YES1: variants seen among roughly 807,000 people sequenced by gnomAD.
YES1 encodes YES proto-oncogene 1, Src family tyrosine kinase, also known as tyrosine-protein kinase Yes.
In YES1, 39 loss-of-function variants were observed where a neutral mutation model predicts 70.4. The ratio of observed to expected loss-of-function variants is 0.55; its 90% CI spans 0.43 to 0.72. The LOEUF (loss-of-function observed/expected upper bound fraction) is 0.72. YES1 is among the 30% of genes least tolerant of loss of function. The probability of loss-of-function intolerance (pLI) is 0.00; values close to 1 mark genes in which losing one functional copy is unlikely to be tolerated. For synonymous variants in YES1, 198 were observed against 218.6 expected (o/e 0.91, Z 0.83); for missense variants, 495 against 644.8 (o/e 0.77, Z 2.52).
At chr18:731,594 A>G (rs2080087830) in intron 11 of YES1, among the ~76,000 whole-genome samples, 1 of 152,232 alleles carries the variant, frequency 6.6e-6, no homozygotes, top group African/African-American at 2.4e-5. Flanking sequence ...AGAGTTTAGA[A>G]GTAACAAACT....
At chr18:731,561 C>A (rs1402743316) in intron 11 of YES1, among the ~76,000 whole-genome samples, 1 of 152,178 alleles carries the variant, frequency 6.6e-6, no homozygotes, top group Non-Finnish European at 1.5e-5. Context: ...CTTTCACTCT[C>A]AACATTAGGA....
intron 1 of YES1, among the ~76,000 whole-genome samples, chr18:760,610 G>A (rs1453290461): frequency 1.3e-5 from 2 of 152,164 alleles, no homozygotes; most frequent in Admixed American, 6.5e-5. Context: ...TCCACAGGAG[G>A]TTCTAGAAGG....
In YES1 at chr18:722,692, C is replaced by T. The variant is rs1342588912; in HGVS notation, c.*1732G>A. ...TCACTTTTGCACTTTAGGGTAAAAACTGTCCCCTTTTCACCACCGTTAATA... is the reference window on the plus strand; with the variant it reads ...TCACTTTTGCACTTTAGGGTAAAAATTGTCCCCTTTTCACCACCGTTAATA... On this transcript the variant is annotated 3_prime_UTR_variant, in exon 12 of 12. Coordinates refer to ENST00000314574, the MANE Select transcript of YES1 (RefSeq NM_005433.4). 1 of 152,156 alleles carries T rather than the reference C, an allele frequency of 6.6e-6. No individual in the cohort carries two copies. The highest frequency in any genetic ancestry group is 2.4e-5 in the African/African-American group (1 of 41,444). The allele number at this position is 152,156 out of a possible 1,614,324, so 9.4% of individuals were successfully genotyped here.
At chr18:809,384 C>T (rs1213305372) in intron 1 of YES1, among the ~76,000 whole-genome samples, 1 of 152,092 alleles carries the variant, frequency 6.6e-6, no homozygotes, top group Non-Finnish European at 1.5e-5. Flanking sequence ...ACCGCAATCT[C>T]TGTCTCCCGG....
intron 6 of YES1, among the ~76,000 whole-genome samples, chr18:744,581 G>A (rs2080255999): frequency 6.6e-6 from 1 of 150,744 alleles, no homozygotes; most frequent in African/African-American, 2.4e-5. Flanking sequence ...TAATAGATAG[G>A]GTTTTGCCAT....
chr18:749,027 G>A (rs913535808), intron 3 of YES1, among the ~76,000 whole-genome samples: 7 of 152,112 alleles, frequency 4.6e-5, no homozygotes, highest in East Asian at 1.9e-4. Flanking sequence ...TAGATGCAGC[G>A]GCATGCACCT....
At chr18:731,382 A>C (rs1233678512) in intron 11 of YES1, among the ~76,000 whole-genome samples, 1 of 152,154 alleles carries the variant, frequency 6.6e-6, no homozygotes, top group Non-Finnish European at 1.5e-5. Flanking sequence ...AAATGAGAAT[A>C]ACTTGAATGG....
chr18:787,389 C>T lies in YES1; in HGVS notation c.-9+24725G>A, dbSNP rs143925103. Among the ~76,000 whole-genome samples, 124 of 151,592 alleles carry T rather than the reference C, an allele frequency of 8.2e-4. 1 individual carries two copies. The East Asian group carries it at 0.022, about 27-fold the overall frequency. On this transcript the variant is annotated intron_variant, in intron 1 of 11. Transcript: ENST00000314574. Reference sequence around the variant, plus strand: ...GCTGGGGTACAGGCATGAGCCACCGCGCCCAGCTGATACATACTGTATTTA... The same window carrying T: ...GCTGGGGTACAGGCATGAGCCACCGTGCCCAGCTGATACATACTGTATTTA...
intron 1 of YES1, among the ~76,000 whole-genome samples, chr18:803,882 A>G (rs1056323808): frequency 6.6e-6 from 1 of 152,226 alleles, no homozygotes; most frequent in Non-Finnish European, 1.5e-5. Context: ...TATTTTACCT[A>G]TTTGTGAGGC....
intron 1 of YES1, among the ~76,000 whole-genome samples, chr18:770,897 A>T (rs1905121282): frequency 6.6e-6 from 1 of 151,724 alleles, no homozygotes; most frequent in Non-Finnish European, 1.5e-5. Context: ...TTTAATCCCA[A>T]CACTTTGGAA....
intron 3 of YES1, among the ~76,000 whole-genome samples, chr18:751,216 C>T (rs1598905379): frequency 6.6e-6 from 1 of 152,092 alleles, no homozygotes; most frequent in South Asian, 2.1e-4. Context: ...CTTTCTACAA[C>T]GAGCATCAAA....
chr18:736,938 A>G lies in YES1; in HGVS notation c.1161T>C (p.Ile387=), dbSNP rs1470878252. 2 of 1,609,884 alleles carry G rather than the reference A, an allele frequency of 1.2e-6. No homozygotes were observed. The highest frequency in any genetic ancestry group is 2.7e-5 in the African/African-American group (2 of 74,918). Reference sequence around the variant, plus strand: ...CTCGGTGAATATAGTTCATTCTTTCAATATATGCCATACCATCAGCAATCT... The same window carrying G: ...CTCGGTGAATATAGTTCATTCTTTCGATATATGCCATACCATCAGCAATCT... The part of the protein sequence containing the change: ...AAQIADGMAY[I]ERMNYIHRDL... The change falls in exon 10 of 12, where the codon ATT becomes ATC. Residue 387 remains isoleucine, a synonymous_variant. Coordinates refer to ENST00000314574, the MANE Select transcript of YES1 (RefSeq NM_005433.4).
intron 1 of YES1, among the ~76,000 whole-genome samples, chr18:769,208 CAAT>C (rs1297331191): frequency 6.6e-6 from 1 of 152,170 alleles, no homozygotes; most frequent in Non-Finnish European, 1.5e-5. Context: ...CCTGATGACA[CAAT>C]GTCAGAACAT....
chr18:756,383 C>T (rs1039715265), intron 2 of YES1, among the ~76,000 whole-genome samples, 174 bp downstream of exon 2: 6 of 152,106 alleles, frequency 3.9e-5, no homozygotes, highest in Non-Finnish European at 5.9e-5. Context: ...TTTTCCAGAA[C>T]CATACCCATG....
intron 1 of YES1, among the ~76,000 whole-genome samples, chr18:796,411 T>C (rs1204373616): frequency 6.6e-6 from 1 of 152,216 alleles, no homozygotes; most frequent in African/African-American, 2.4e-5. Flanking sequence ...CAATTATCAA[T>C]ACACATTAGT....
At chr18:807,636 T>C (rs768271742) in intron 1 of YES1, among the ~76,000 whole-genome samples, 1 of 152,238 alleles carries the variant, frequency 6.6e-6, no homozygotes, top group African/African-American at 2.4e-5. Flanking sequence ...CATATATAGC[T>C]GATAACGTAT....
At position 806,027 on chromosome 18, in the gene YES1, C is replaced by A. The variant is rs1193629281; in HGVS notation, c.-9+6087G>T. Among the ~76,000 whole-genome samples, 4 of 152,166 alleles carry A rather than the reference C, an allele frequency of 2.6e-5. No homozygotes were observed. In the East Asian group the frequency reaches 7.7e-4, roughly 29 times the overall value. ...CTCCTAGCACTTCCTGTTCCGTCCT[C>A]ACCCCCAATAACCCAGCAAAAGTAC... On this transcript the variant is annotated intron_variant, in intron 1 of 11. Coordinates refer to ENST00000314574, the MANE Select transcript of YES1 (RefSeq NM_005433.4).
intron 1 of YES1, among the ~76,000 whole-genome samples, chr18:795,324 G>A (rs1168981530): frequency 1.3e-5 from 2 of 152,124 alleles, no homozygotes; most frequent in African/African-American, 2.4e-5. Flanking sequence ...GTGGGGACAC[G>A]TATACACACA....
chr18:769,685 T>A (rs1005431551), intron 1 of YES1, among the ~76,000 whole-genome samples: 3 of 152,232 alleles, frequency 2.0e-5, no homozygotes, highest in African/African-American at 7.2e-5. Flanking sequence ...ATAGGTTTTT[T>A]TCCTTTATTC....
Sources: gnomAD v4.1 joint callset for allele counts (sites outside exome capture counted in the v4.1 genomes callset) on GRCh38, gnomAD v4.1.1 for gene constraint, MANE v1.5 for transcripts, NCBI Gene and HGNC (gene_info 2026-07-23, HGNC 2026-07-21) for gene names.